Variants in LEPR observed in about 807,000 individuals in gnomAD.
LEPR encodes OB receptor.
A neutral mutation model predicts 114.7 loss-of-function variants in LEPR; 56 were observed. That is an observed-to-expected ratio of 0.49 (90% confidence interval 0.39 to 0.61). The LOEUF (loss-of-function observed/expected upper bound fraction) is 0.61, where lower values mean the gene tolerates loss of function less well. Among genes scored for constraint, LEPR ranks in the 20% least tolerant of loss-of-function variants. LEPR has a pLI of 0.00. For missense variants in LEPR, 1,202 were observed against 1,352.9 expected (o/e 0.89, Z 1.75); for synonymous variants, 443 against 461.4 (o/e 0.96, Z 0.51).
rs531822814 is a variant in LEPR at position 65,461,568 on chromosome 1, C to G, written c.-21+36190C>G. Reference sequence around the variant, plus strand: ...ATCCACGAGTCTGTCCATACTGATACAAATAAATGATTGAATAAATAAACA... The same window carrying G: ...ATCCACGAGTCTGTCCATACTGATAGAAATAAATGATTGAATAAATAAACA... On this transcript the variant is annotated intron_variant, in intron 2 of 19. Transcript: ENST00000349533. Among the ~76,000 whole-genome samples, 5 of 152,240 alleles carry G rather than the reference C, an allele frequency of 3.3e-5. No homozygotes were observed. In the South Asian group the frequency reaches 1.0e-3, roughly 32 times the overall value.
intron 2 of LEPR, among the ~76,000 whole-genome samples, chr1:65,532,619 G>A (rs1650481876): frequency 6.6e-6 from 1 of 151,942 alleles, no homozygotes; most frequent in Admixed American, 6.6e-5. Context: ...AACAAACTGA[G>A]GTATATCCAT....
intron 2 of LEPR, among the ~76,000 whole-genome samples, chr1:65,475,122 C>A (rs1277953463): frequency 6.7e-6 from 1 of 149,174 alleles, no homozygotes; most frequent in Non-Finnish European, 1.5e-5. Context: ...AGCCTGAGAC[C>A]ACTAATTAAA....
intron 2 of LEPR, chr1:65,433,631 C>A: frequency 1.0e-6 from 1 of 985,202 alleles, no homozygotes; most frequent in South Asian, 4.7e-5. Flanking sequence ...TATTTTTTGG[C>A]CTTGTTCATG....
At chr1:65,565,843 T>A (rs965916257) in intron 3 of LEPR, among the ~76,000 whole-genome samples, 20 of 150,512 alleles carry the variant, frequency 1.3e-4, no homozygotes, top group Admixed American at 2.7e-4. Flanking sequence ...CCTCTCTCTC[T>A]CTCACACACA....
At chr1:65,518,689 T>G (rs902634740) in intron 2 of LEPR, among the ~76,000 whole-genome samples, 2 of 152,184 alleles carry the variant, frequency 1.3e-5, no homozygotes, top group Non-Finnish European at 2.9e-5. Flanking sequence ...ATGCCCAACT[T>G]CATTGTTTAC....
At chr1:65,539,797 C>G (rs916231275) in intron 2 of LEPR, among the ~76,000 whole-genome samples, 1 of 152,116 alleles carries the variant, frequency 6.6e-6, no homozygotes, top group Non-Finnish European at 1.5e-5. Flanking sequence ...CATGAAAGGG[C>G]AGATGAGCTC....
At chr1:65,569,707 TAAAAAAAAAAAA>T (rs199787348) in intron 3 of LEPR, among the ~76,000 whole-genome samples, 8 of 92,466 alleles carry the variant, frequency 8.7e-5, no homozygotes, top group Admixed American at 2.5e-4. Context: ...AATTCCATCT[TAAAAAAAAAAAA>T]AAAAAAAAAA....
chr1:65,526,507 T>C (rs1353412834), intron 2 of LEPR: 1 of 812,848 alleles, frequency 1.2e-6, no homozygotes, highest in Non-Finnish European at 1.5e-6. Flanking sequence ...GCAAACAGAT[T>C]AGAATTCTGG....
chr1:65,511,272 C>G (rs996241554), intron 2 of LEPR, among the ~76,000 whole-genome samples: 1 of 152,026 alleles, frequency 6.6e-6, no homozygotes, highest in Non-Finnish European at 1.5e-5. Context: ...GTTCTAGGAC[C>G]ACCAACATCC....
At chr1:65,614,927 C>T (rs1242087655) in intron 14 of LEPR, among the ~76,000 whole-genome samples, 2 of 151,876 alleles carry the variant, frequency 1.3e-5, no homozygotes, top group African/African-American at 2.4e-5. Flanking sequence ...AGAAAATATA[C>T]GAGATTAGCC....
In LEPR at chr1:65,608,738, T is replaced by C. The variant is rs1303717040; in HGVS notation, c.1604-15T>C. ...TTAAATTACCATCACTTAATACTAT[T>C]GTAAAAATTTCTAGTGAAGCCACTG... On this transcript the variant is annotated splice_polypyrimidine_tract_variant and intron_variant, in intron 11 of 19. Coordinates refer to ENST00000349533, the MANE Select transcript of LEPR (RefSeq NM_002303.6). 2 of 1,611,280 alleles carry C rather than the reference T, an allele frequency of 1.2e-6. No individual in the cohort carries two copies. Among genetic ancestry groups the C allele is most frequent in the Non-Finnish European group, 1.7e-6 (2 of 1,178,420 alleles).
At chr1:65,602,442 G>C (rs182850694) in intron 10 of LEPR, among the ~76,000 whole-genome samples, 19 of 151,862 alleles carry the variant, frequency 1.3e-4, no homozygotes, top group Admixed American at 1.2e-3. Context: ...GTTAATAAAG[G>C]GTAATGTGTT....
At chr1:65,611,528 G>A (rs1169488341) in intron 14 of LEPR, among the ~76,000 whole-genome samples, 3 of 152,346 alleles carry the variant, frequency 2.0e-5, no homozygotes, top group Middle Eastern at 3.4e-3. Flanking sequence ...GGTAGGGCCA[G>A]CTATGAGCAG....
chr1:65,609,970 A>G lies in LEPR; in HGVS notation c.1776A>G (p.Lys592=). 6.2e-7 allele frequency: 1 copy of G among 1,614,194 alleles called. No individual in the cohort carries two copies. The highest frequency in any genetic ancestry group is 8.5e-7 in the Non-Finnish European group (1 of 1,179,994). The change falls in exon 13 of 20, where the codon AAA becomes AAG. Residue 592 remains lysine, a synonymous_variant. Transcript: ENST00000349533. Reference sequence around the variant, plus strand: ...AGATGTATGAGGTTTATGATGCAAAATCAAAATCTGTCAGTCTCCCAGTTC... The same window carrying G: ...AGATGTATGAGGTTTATGATGCAAAGTCAAAATCTGTCAGTCTCCCAGTTC... The part of the protein sequence containing the change: ...QWKMYEVYDA[K]SKSVSLPVPD...
chr1:65,623,052 C>A, intron 19 of LEPR, 71 bp downstream of exon 19: 1 of 1,409,498 alleles, frequency 7.1e-7, no homozygotes, highest in Non-Finnish European at 9.9e-7. Flanking sequence ...ACTTATAGAG[C>A]ATTAAGCATT....
chr1:65,439,772 G>A (rs1261996036), intron 2 of LEPR, among the ~76,000 whole-genome samples: 1 of 148,186 alleles, frequency 6.7e-6, no homozygotes. Flanking sequence ...AGGTTGCAGT[G>A]AGCCGAGATC....
At chr1:65,445,639 T>TTTTG (rs1553152983) in intron 2 of LEPR, among the ~76,000 whole-genome samples, 2 of 149,888 alleles carry the variant, frequency 1.3e-5, no homozygotes, top group Non-Finnish European at 3.0e-5. Flanking sequence ...TGAATAGAGT[T>TTTTG]TTTTTTTTTT....
At chr1:65,547,463 T>C (rs1270140872) in intron 2 of LEPR, among the ~76,000 whole-genome samples, 6 of 151,680 alleles carry the variant, frequency 4.0e-5, no homozygotes, top group South Asian at 2.1e-4. Flanking sequence ...GGTAAGCTAT[T>C]GATTATTGCC....
intron 7 of LEPR, among the ~76,000 whole-genome samples, chr1:65,598,223 C>A (rs1413654426): frequency 1.3e-5 from 2 of 151,354 alleles, no homozygotes; most frequent in Non-Finnish European, 2.9e-5. Flanking sequence ...CATGAGCCAC[C>A]ATGCCTGACC....
Sources: allele counts gnomAD v4.1 joint callset (sites outside exome capture counted in the v4.1 genomes callset), GRCh38; gene constraint gnomAD v4.1.1; transcripts MANE v1.5; gene names NCBI Gene and HGNC (gene_info 2026-07-23, HGNC 2026-07-21).